The following MUC13 variants were observed in gnomAD, a reference collection of about 807,000 sequenced individuals.
The protein encoded by MUC13 is mucin 13, cell surface associated.
Under a neutral mutation model 48.3 loss-of-function variants are expected in MUC13, and 32 were observed. That is an observed-to-expected ratio of 0.66 (90% confidence interval 0.50 to 0.89). MUC13 has a LOEUF of 0.89. Among genes scored for constraint, MUC13 ranks in the 40% least tolerant of loss-of-function variants. The pLI is 0.00. For synonymous variants in MUC13, 199 were observed against 224.9 expected (o/e 0.88, Z 1.03); for missense variants, 571 against 622.8 (o/e 0.92, Z 0.88).
At position 124,930,115 on chromosome 3, in the gene MUC13, G is replaced by A. The variant is rs550861224; in HGVS notation, c.53-2122C>T. On this transcript the variant is annotated intron_variant, in intron 1 of 11. Transcript: ENST00000616727. ...TCATGCTTTGGGAATATTCATTCTCGGCCGATGCCAAAGAACCAACATGTT... is the reference window on the plus strand; with the variant it reads ...TCATGCTTTGGGAATATTCATTCTCAGCCGATGCCAAAGAACCAACATGTT... Among the ~76,000 whole-genome samples the A allele has an allele frequency of 2.0e-3, 298 of 152,278 alleles. 1 individual carries two copies. Among genetic ancestry groups the A allele is most frequent in the Non-Finnish European group, 3.3e-3 (226 of 68,018 alleles).
At chr3:124,929,754 A>G (rs1379751701) in intron 1 of MUC13, among the ~76,000 whole-genome samples, 1 of 152,222 alleles carries the variant, frequency 6.6e-6, no homozygotes, top group Non-Finnish European at 1.5e-5. Context: ...GAGCCCACCA[A>G]TACTCAGAAG....
At chr3:124,916,198 G>A (rs1483371717) in intron 6 of MUC13, 119 bp downstream of exon 6, 1 of 756,480 alleles carries the variant, frequency 1.3e-6, no homozygotes, top group Non-Finnish European at 2.1e-6. Context: ...AAGAAATTTA[G>A]AGACAGTTGT....
chr3:124,909,686 A>T lies in MUC13; in HGVS notation c.1337+729T>A, dbSNP rs184548055. Among the ~76,000 whole-genome samples, 513 of 151,388 alleles carry T rather than the reference A, an allele frequency of 3.4e-3. 3 individuals carry two copies. Among genetic ancestry groups the T allele is most frequent in the African/African-American group, 0.011 (468 of 40,792 alleles). ...CCCGGCTAACGTGATAAACTTTCTTAAAAAAAGTTAAAAAAAAACAACAAC... is the reference window on the plus strand; with the variant it reads ...CCCGGCTAACGTGATAAACTTTCTTTAAAAAAGTTAAAAAAAAACAACAAC... On this transcript the variant is annotated intron_variant, in intron 10 of 11. Transcript: ENST00000616727.
At chr3:124,922,116 C>T in intron 4 of MUC13, 81 bp downstream of exon 4, 1 of 1,513,698 alleles carries the variant, frequency 6.6e-7, no homozygotes, top group East Asian at 2.4e-5. Context: ...GCGTGAACCA[C>T]CTGAAGACCA....
chr3:124,911,998 A>C, intron 9 of MUC13, 106 bp downstream of exon 9: 1 of 1,455,766 alleles, frequency 6.9e-7, no homozygotes, highest in Non-Finnish European at 9.3e-7. Flanking sequence ...CTCTTTATGA[A>C]AGAGGACAGA....
chr3:124,922,171 A>G, intron 4 of MUC13, 26 bp downstream of exon 4: 5 of 1,613,106 alleles, frequency 3.1e-6, no homozygotes, highest in Non-Finnish European at 4.2e-6. Context: ...AATGCTTTAC[A>G]GAAAGGAAAG....
At chr3:124,931,607 G>T (rs1285426011) in intron 1 of MUC13, among the ~76,000 whole-genome samples, 2 of 151,798 alleles carry the variant, frequency 1.3e-5, no homozygotes, top group African/African-American at 2.4e-5. Flanking sequence ...AATTAGCTGG[G>T]CGTGGTGGCA....
chr3:124,928,007 G>C lies in MUC13; in HGVS notation c.53-14C>G, dbSNP rs760954491. ...CTTGGTTGGTGGCTGGAGGAACAAA[G>C]ATACCAAGTTTGAGGAGACAGTACA... is the stretch of plus-strand genomic sequence containing the variant. On this transcript the variant is annotated splice_polypyrimidine_tract_variant and intron_variant, in intron 1 of 11. Coordinates refer to ENST00000616727, the MANE Select transcript of MUC13 (RefSeq NM_033049.4). 11 of 1,521,976 alleles carry C rather than the reference G, an allele frequency of 7.2e-6. No homozygotes were observed. The highest frequency in any genetic ancestry group is 9.7e-6 in the Non-Finnish European group (11 of 1,136,774). The allele number at this position is 1,521,976 out of a possible 1,614,324, so 94.3% of individuals were successfully genotyped here.
chr3:124,927,896 G>T lies in MUC13; in HGVS notation c.150C>A (p.Phe50Leu). 1 of 1,613,474 alleles carries T rather than the reference G, an allele frequency of 6.2e-7. No homozygotes were observed. The highest frequency in any genetic ancestry group is 1.1e-5 in the South Asian group (1 of 90,870). Reference sequence around the variant, plus strand: ...TTGCTGTGGTGCTAGCAGTTTCAGGGAAATTAGTTTCAGTGGTATCAGCTG... The same window carrying T: ...TTGCTGTGGTGCTAGCAGTTTCAGGTAAATTAGTTTCAGTGGTATCAGCTG... ...VAAADTTETNFPETASTTANT... is the reference protein window; with the variant it reads ...VAAADTTETNLPETASTTANT... The change falls in exon 2 of 12, where the codon TTC (phenylalanine) becomes TTA (leucine). Residue 50 changes from phenylalanine to leucine, a missense_variant. By Grantham distance (22) the Phe-to-Leu change is conservative. Transcript: ENST00000616727.
chr3:124,929,330 C>T (rs981814696), intron 1 of MUC13, among the ~76,000 whole-genome samples: 1 of 152,168 alleles, frequency 6.6e-6, no homozygotes, highest in South Asian at 2.1e-4. Context: ...TGTAAGCCAC[C>T]TTGCCTGGCC....
Position 124,922,276 on chromosome 3 carries a change from A to G in MUC13, c.665T>C (p.Val222Ala), listed in dbSNP as rs1304719805. ...KGKVFPGKIS[V>A]TVSETFDPEE... ...TGGGTCAAATGTTTCTGATACTGTC[A>G]CTGAAATCTTCCCAGGGAATACCTT... Residue 222 changes from valine (V) to alanine (A), a missense_variant, in exon 4 of 12, where the codon GTG becomes GCG. Physicochemically the swap from Val to Ala is moderately conservative, Grantham distance 64. Coordinates refer to ENST00000616727, the MANE Select transcript of MUC13 (RefSeq NM_033049.4). 1.2e-6 allele frequency: 2 copies of G among 1,614,016 alleles called. No individual in the cohort carries two copies. The highest frequency in any genetic ancestry group is 2.7e-5 in the African/African-American group (2 of 74,942).
chr3:124,910,640 A>G, intron 9 of MUC13, 141 bp from the exon 10 acceptor site: 1 of 1,355,178 alleles, frequency 7.4e-7, no homozygotes. Flanking sequence ...CAGGTTGGGT[A>G]GTTGGCCTAT....
intron 10 of MUC13, among the ~76,000 whole-genome samples, chr3:124,908,701 T>G (rs1935355558): frequency 1.3e-5 from 2 of 152,260 alleles, no homozygotes. Flanking sequence ...CGACAAAACC[T>G]GGACTTCAAT....
intron 2 of MUC13, among the ~76,000 whole-genome samples, chr3:124,926,169 G>A (rs1267452140): frequency 1.3e-5 from 2 of 152,190 alleles, no homozygotes; most frequent in Non-Finnish European, 2.9e-5. Context: ...CTTCAGCAAC[G>A]AAGGACAGAC....
At chr3:124,911,325 T>G (rs1478601731) in intron 9 of MUC13, among the ~76,000 whole-genome samples, 1 of 152,228 alleles carries the variant, frequency 6.6e-6, no homozygotes, top group Admixed American at 6.5e-5. Flanking sequence ...TAATGTGAAT[T>G]CATGGGGCCA....
chr3:124,934,641 A>G lies in MUC13; in HGVS notation c.52+20T>C. The G allele has an allele frequency of 6.4e-7, 1 of 1,561,044 alleles. No individual in the cohort carries two copies. Among genetic ancestry groups the G allele is most frequent in the Non-Finnish European group, 8.8e-7 (1 of 1,132,370 alleles). On this transcript the variant is annotated intron_variant, in intron 1 of 11. Transcript: ENST00000616727. ...CAACATACATGATTGGAAGAATTAA[A>G]ATGTAAAAATATTCCTTACCTGTGT...
intron 5 of MUC13, among the ~76,000 whole-genome samples, chr3:124,918,252 G>A (rs1028530409): frequency 2.0e-5 from 3 of 152,168 alleles, no homozygotes; most frequent in South Asian, 2.1e-4. Flanking sequence ...ATTTTGGGCT[G>A]GAGCCTAAGA....
intron 6 of MUC13, among the ~76,000 whole-genome samples, chr3:124,915,666 T>G (rs1935500429): frequency 6.6e-6 from 1 of 152,138 alleles, no homozygotes; most frequent in South Asian, 2.1e-4. Context: ...AGCTACATGG[T>G]GGGTTCGTGT....
At chr3:124,910,263 A>G (rs1012363260) in intron 10 of MUC13, 152 bp downstream of exon 10, 102 of 1,024,938 alleles carry the variant, frequency 1.0e-4, no homozygotes, top group Non-Finnish European at 1.3e-4. Flanking sequence ...GGCAGGTGTG[A>G]TGGCTCATGC....
Sources: allele counts gnomAD v4.1 joint callset (sites outside exome capture counted in the v4.1 genomes callset), GRCh38; gene constraint gnomAD v4.1.1; transcripts MANE v1.5; gene names NCBI Gene and HGNC (gene_info 2026-07-23, HGNC 2026-07-21).